The following TBXAS1 variants were observed in gnomAD, a reference collection of about 807,000 sequenced individuals.
The protein encoded by TBXAS1 is thromboxane-A synthase.
In TBXAS1, 48 loss-of-function variants were observed where a neutral mutation model predicts 60.7. The observed-to-expected ratio is 0.79, with a 90% CI of 0.63 to 1.01. TBXAS1 has a LOEUF of 1.01. Ranked by LOEUF, TBXAS1 falls within the 50% of genes least tolerant of loss-of-function variation. The probability of loss-of-function intolerance (pLI) is 0.00; values close to 1 mark genes in which losing one functional copy is unlikely to be tolerated. For synonymous variants in TBXAS1, 287 were observed against 269.7 expected (o/e 1.06, Z -0.63); for missense variants, 685 against 686.3 (o/e 1.00, Z 0.02).
At chr7:139,876,015 C>T (rs1232820462) in intron 3 of TBXAS1, 3 of 287,316 alleles carry the variant, frequency 1.0e-5, no homozygotes, top group Non-Finnish European at 2.0e-5. Context: ...AGGTCTTACC[C>T]CATGAGCATA....
At chr7:139,873,923 C>T (rs1328390565) in intron 2 of TBXAS1, among the ~76,000 whole-genome samples, 1 of 152,156 alleles carries the variant, frequency 6.6e-6, no homozygotes, top group African/African-American at 2.4e-5. Context: ...AATATCCCTT[C>T]AACATCTCTA....
At chr7:139,940,469 G>T (rs1043983596) in intron 5 of TBXAS1, among the ~76,000 whole-genome samples, 4 of 152,094 alleles carry the variant, frequency 2.6e-5, no homozygotes, top group African/African-American at 9.7e-5. Flanking sequence ...ATTTCTAAGG[G>T]TAACTGAGAA....
At position 139,835,702 on chromosome 7, in the gene TBXAS1, C is replaced by T. The variant is rs1055520831; in HGVS notation, c.89+6223C>T. ...AATGGGGAAAAGTTGAAAGCATTCC[C>T]TCTGAGAATTGGAACAAGACAAGGA... is the stretch of plus-strand genomic sequence containing the variant. On this transcript the variant is annotated intron_variant, in intron 1 of 12. Transcript: ENST00000448866. 1.3e-5 allele frequency among the ~76,000 whole-genome samples: 2 copies of T among 152,156 alleles called. 1 individual carries two copies. The highest frequency in any genetic ancestry group is 1.3e-4 in the Admixed American group (2 of 15,264).
intron 5 of TBXAS1, among the ~76,000 whole-genome samples, chr7:139,939,931 C>T (rs1005194026): frequency 4.6e-5 from 7 of 152,172 alleles, no homozygotes; most frequent in Admixed American, 2.6e-4. Context: ...ATTTCTGAAA[C>T]GTGAAACCAA....
intron 5 of TBXAS1, among the ~76,000 whole-genome samples, chr7:139,941,771 G>A (rs1487054884): frequency 6.6e-6 from 1 of 152,232 alleles, no homozygotes; most frequent in Non-Finnish European, 1.5e-5. Flanking sequence ...CTATTAGTGA[G>A]TAGTAACCCT....
intron 3 of TBXAS1, among the ~76,000 whole-genome samples, chr7:139,880,539 A>G (rs962023976): frequency 1.3e-5 from 2 of 152,158 alleles, no homozygotes; most frequent in Admixed American, 6.5e-5. Flanking sequence ...CACAGAGGCA[A>G]CCTCTCTTAA....
rs1800291017 is a variant in TBXAS1, at chr7:139,852,563, A to C, written c.90-19672A>C. Among the ~76,000 whole-genome samples the C allele has an allele frequency of 6.6e-6, 1 of 152,262 alleles. No individual in the cohort carries two copies. The highest frequency in any genetic ancestry group is 1.5e-5 in the Non-Finnish European group (1 of 68,048). ...TATAGCTAAGAGATGATCAAAGGTC[A>C]GTGGCTAAACTTGCTAAGAATTAGG... is the stretch of plus-strand genomic sequence containing the variant. On this transcript the variant is annotated intron_variant, in intron 1 of 12. Transcript: ENST00000448866. This position sits in a 1 kb window ranked among gnomAD's most constrained non-coding sequence, Gnocchi z 4.4.
chr7:139,955,630 G>A (rs754477806), intron 7 of TBXAS1, 23 bp downstream of exon 7: 2 of 1,613,372 alleles, frequency 1.2e-6, no homozygotes, highest in South Asian at 2.2e-5. Flanking sequence ...GCAGCCCGGG[G>A]CGCTGCGATG....
At chr7:139,931,345 G>A (rs190975206) in intron 4 of TBXAS1, among the ~76,000 whole-genome samples, 3 of 152,274 alleles carry the variant, frequency 2.0e-5, no homozygotes, top group Non-Finnish European at 2.9e-5. Flanking sequence ...CAGGAGCCTC[G>A]AAAGCTGTGT....
chr7:139,913,027 A>C (rs1371492013), intron 4 of TBXAS1: 4 of 686,658 alleles, frequency 5.8e-6, no homozygotes, highest in Non-Finnish European at 1.1e-5. Flanking sequence ...GAGTGGAGTA[A>C]TTGGCCACTC....
intron 1 of TBXAS1, among the ~76,000 whole-genome samples, chr7:139,830,600 A>G (rs1334755480): frequency 6.6e-6 from 1 of 151,572 alleles, no homozygotes; most frequent in African/African-American, 2.4e-5. Context: ...GGCCACATGT[A>G]AAACCAAGAG....
intron 1 of TBXAS1, among the ~76,000 whole-genome samples, chr7:139,780,512 T>A (rs542782782): frequency 4.0e-5 from 6 of 149,698 alleles, no homozygotes; most frequent in Non-Finnish European, 9.1e-5. Context: ...ATTTGTTGAA[T>A]GGATGATAGC....
intron 3 of TBXAS1, among the ~76,000 whole-genome samples, chr7:139,892,223 G>A (rs1395511004): frequency 6.6e-6 from 1 of 152,144 alleles, no homozygotes; most frequent in Non-Finnish European, 1.5e-5. Context: ...AGCCAGATCT[G>A]GGTTCTGGTC....
At chr7:140,017,872 G>C in intron 12 of TBXAS1, 39 bp downstream of exon 12, 1 of 1,613,838 alleles carries the variant, frequency 6.2e-7, no homozygotes, top group Non-Finnish European at 8.5e-7. Flanking sequence ...CAGGGGCAGG[G>C]GTGGGAGGGC....
intron 4 of TBXAS1, among the ~76,000 whole-genome samples, chr7:139,807,952 A>G (rs1315130769): frequency 1.3e-5 from 2 of 152,148 alleles, no homozygotes; most frequent in African/African-American, 4.8e-5. Context: ...AACTACTAAC[A>G]TGACTTCATT....
intron 3 of TBXAS1, among the ~76,000 whole-genome samples, chr7:139,910,696 G>A (rs534597223): frequency 7.9e-5 from 12 of 152,218 alleles, no homozygotes; most frequent in African/African-American, 2.2e-4. Flanking sequence ...TAGGTGTGGC[G>A]ACCAGATATT....
chr7:140,010,707 G>C (rs1814542101), intron 10 of TBXAS1, among the ~76,000 whole-genome samples: 1 of 152,116 alleles, frequency 6.6e-6, no homozygotes, highest in South Asian at 2.1e-4. Flanking sequence ...CATCTCAATG[G>C]GTTCTCCACG....
intron 1 of TBXAS1, among the ~76,000 whole-genome samples, chr7:139,841,891 G>A (rs975406391): frequency 3.3e-5 from 5 of 152,166 alleles, no homozygotes; most frequent in Non-Finnish European, 5.9e-5. Flanking sequence ...AATGGCACTT[G>A]GTGCTTAGAT....
At chr7:139,961,894 G>T in intron 8 of TBXAS1, 25 bp from the exon 9 acceptor site, 2 of 1,614,034 alleles carry the variant, frequency 1.2e-6, no homozygotes, top group Non-Finnish European at 1.7e-6. Context: ...GTCAAAATGT[G>T]CATTTTTCTC....
Sources: allele counts gnomAD v4.1 joint callset (sites outside exome capture counted in the v4.1 genomes callset), GRCh38; gene constraint gnomAD v4.1.1; non-coding constraint Gnocchi (gnomAD v3.1); transcripts MANE v1.5; gene names NCBI Gene and HGNC (gene_info 2026-07-23, HGNC 2026-07-21).